The following PHF14 variants were observed in gnomAD, a reference collection of about 807,000 sequenced individuals.
The protein encoded by PHF14 is PHD finger protein 14.
Under a neutral mutation model 117.9 loss-of-function variants are expected in PHF14, and 55 were observed. The ratio of observed to expected loss-of-function variants is 0.47; its 90% CI spans 0.38 to 0.58. The LOEUF is 0.58. Among genes scored for constraint, PHF14 ranks in the 20% least tolerant of loss-of-function variants. The pLI, the probability that PHF14 is intolerant of heterozygous loss-of-function variation, is 0.00. For missense variants in PHF14, 978 were observed against 1,122.2 expected (o/e 0.87, Z 1.84); for synonymous variants, 409 against 368.6 (o/e 1.11, Z -1.26).
intron 16 of PHF14, among the ~76,000 whole-genome samples, chr7:11,081,993 A>G (rs1786157215): frequency 1.3e-5 from 2 of 152,212 alleles, no homozygotes; most frequent in African/African-American, 4.8e-5. Flanking sequence ...TTTAAAAGCT[A>G]ATAGTGTACG....
intron 16 of PHF14, chr7:11,103,484 G>A (rs957044984): frequency 1.0e-6 from 1 of 982,734 alleles, no homozygotes; most frequent in Non-Finnish European, 1.2e-6. Context: ...TGATCTTCAA[G>A]CTTTAATGAT....
At chr7:10,999,466 G>T (rs1782780622) in intron 4 of PHF14, among the ~76,000 whole-genome samples, 2 of 152,196 alleles carry the variant, frequency 1.3e-5, no homozygotes, top group Non-Finnish European at 2.9e-5. Context: ...TAGGACACAA[G>T]CTTGAGTCCA....
Position 11,072,433 on chromosome 7 carries a change from C to G in PHF14, c.2654+10348C>G, listed in dbSNP as rs576902759. ...ATGAGATTTGAGTGGGACACGTATC[C>G]AAACTATATCAAGGTTTTAAACCTT... On this transcript the variant is annotated intron_variant, in intron 16 of 17. Coordinates refer to ENST00000634607, the MANE Select transcript of PHF14 (RefSeq NM_001007157.2). Among the ~76,000 whole-genome samples the G allele has an allele frequency of 3.9e-5, 6 of 152,268 alleles. No homozygotes were observed. In the East Asian group the frequency reaches 1.2e-3, roughly 29 times the overall value.
intron 14 of PHF14, among the ~76,000 whole-genome samples, chr7:11,057,644 G>A (rs544497634): frequency 6.6e-6 from 1 of 152,130 alleles, no homozygotes; most frequent in African/African-American, 2.4e-5. Context: ...AAAGTACTAA[G>A]ATCACAGGCC....
intron 13 of PHF14, among the ~76,000 whole-genome samples, chr7:11,043,935 G>A (rs1784579143): frequency 1.3e-5 from 2 of 151,984 alleles, no homozygotes; most frequent in Non-Finnish European, 2.9e-5. Context: ...GGACCCTCCT[G>A]ATACTGCTCA....
chr7:11,119,372 A>G (rs1787686497), intron 17 of PHF14, among the ~76,000 whole-genome samples: 4 of 151,898 alleles, frequency 2.6e-5, no homozygotes, highest in African/African-American at 9.7e-5. Context: ...AAATATTAAA[A>G]TAAGGTTATA....
At chr7:10,988,534 G>GT (rs34658159) in intron 3 of PHF14, among the ~76,000 whole-genome samples, 3,116 of 118,114 alleles carry the variant, frequency 0.026, 85 homozygotes, top group East Asian at 0.12. Flanking sequence ...TTTCTAGTCT[G>GT]TTTTTTTTTT....
intron 17 of PHF14, among the ~76,000 whole-genome samples, chr7:11,121,854 A>AT (rs35794160): frequency 4.5e-4 from 67 of 148,444 alleles, no homozygotes; most frequent in Admixed American, 8.0e-4. Context: ...TATTTCTGGA[A>AT]TTTTTTTTTT....
At chr7:11,021,729 T>C (rs959731264) in intron 5 of PHF14, among the ~76,000 whole-genome samples, 3 of 152,158 alleles carry the variant, frequency 2.0e-5, no homozygotes, top group African/African-American at 4.8e-5. Flanking sequence ...ATAGGATGTA[T>C]TTGGGAGGTT....
intron 17 of PHF14, among the ~76,000 whole-genome samples, chr7:11,117,117 G>T (rs969653968): frequency 6.6e-6 from 1 of 151,840 alleles, no homozygotes; most frequent in Admixed American, 6.6e-5. Context: ...GCTTCCTCCA[G>T]GTCATATGTA....
Position 11,007,195 on chromosome 7 carries a change from C to CA in PHF14, c.1046-6542dup, listed in dbSNP as rs1038994255. Reference sequence around the variant, plus strand: ...GTAACAAGAGCGAAACTCCGTCTCACAAAAAAAAAAGAAAGAAAAGAAAAG... The same window carrying CA: ...GTAACAAGAGCGAAACTCCGTCTCACAAAAAAAAAAAGAAAGAAAAGAAAAG... On this transcript the variant is annotated intron_variant, in intron 4 of 17. Coordinates refer to ENST00000634607, the MANE Select transcript of PHF14 (RefSeq NM_001007157.2). Among the ~76,000 whole-genome samples the CA allele has an allele frequency of 2.5e-3, 364 of 143,006 alleles. 1 individual carries two copies. Among genetic ancestry groups the CA allele is most frequent in the Admixed American group, 4.5e-3 (64 of 14,210 alleles). 93.8% of individuals were successfully genotyped at this position (143,006 alleles called of 152,430 possible). A position where few individuals can be genotyped will look rare whatever the true frequency, so the allele number is the denominator to read the frequency against.
chr7:11,156,216 G>A (rs576342827), intron 17 of PHF14, among the ~76,000 whole-genome samples: 1 of 152,280 alleles, frequency 6.6e-6, no homozygotes, highest in African/African-American at 2.4e-5. Context: ...AATGAAAATA[G>A]GGACGTTATT....
At position 11,085,888 on chromosome 7, in the gene PHF14, G is replaced by A. The variant is rs528992631; in HGVS notation, c.2654+23803G>A. ...TTTTTATCAGTAGCAAAACATAATA[G>A]TTTAAAAAAAAAACTGTGGTTAAAT... On this transcript the variant is annotated intron_variant, in intron 16 of 17. Transcript: ENST00000634607. Among the ~76,000 whole-genome samples the A allele has an allele frequency of 4.6e-5, 7 of 151,038 alleles. 1 individual carries two copies. The South Asian group carries it at 1.5e-3, about 32-fold the overall frequency.
At chr7:11,043,716 T>G (rs1235343660) in intron 13 of PHF14, among the ~76,000 whole-genome samples, 1 of 152,174 alleles carries the variant, frequency 6.6e-6, no homozygotes, top group Non-Finnish European at 1.5e-5. Context: ...ATATTCATAC[T>G]GGCCTGTTCT....
At chr7:11,014,584 G>C (rs1409607511) in intron 5 of PHF14, among the ~76,000 whole-genome samples, 2 of 152,116 alleles carry the variant, frequency 1.3e-5, no homozygotes. Flanking sequence ...GAGGGACTGT[G>C]TATATAGCTG....
At chr7:11,045,611 C>T (rs1784637935) in intron 13 of PHF14, among the ~76,000 whole-genome samples, 1 of 152,170 alleles carries the variant, frequency 6.6e-6, no homozygotes, top group Non-Finnish European at 1.5e-5. Flanking sequence ...CAAGGAGACA[C>T]TAGTTCTAGA....
At chr7:11,151,852 A>T (rs1583505477) in intron 17 of PHF14, among the ~76,000 whole-genome samples, 1 of 152,298 alleles carries the variant, frequency 6.6e-6, no homozygotes, top group Non-Finnish European at 1.5e-5. Flanking sequence ...TTTAAGACAT[A>T]AGAACAGTCA....
chr7:11,080,574 C>T (rs77772495), intron 16 of PHF14, among the ~76,000 whole-genome samples: 2,342 of 152,228 alleles, frequency 0.015, 24 homozygotes, highest in Non-Finnish European at 0.025. Context: ...AACATTAACT[C>T]TGCTGGTTTT....
chr7:11,138,624 A>G (rs1788311537), intron 17 of PHF14, among the ~76,000 whole-genome samples: 1 of 152,190 alleles, frequency 6.6e-6, no homozygotes, highest in African/African-American at 2.4e-5. Flanking sequence ...TAACATATAA[A>G]TCATATACTT....
Sources: allele counts gnomAD v4.1 joint callset (sites outside exome capture counted in the v4.1 genomes callset), GRCh38; gene constraint gnomAD v4.1.1; transcripts MANE v1.5; gene names NCBI Gene and HGNC (gene_info 2026-07-23, HGNC 2026-07-21).